COL4A6: variants seen among roughly 807,000 people sequenced by gnomAD.
COL4A6 encodes the protein collagen alpha-6(IV) chain.
A neutral mutation model predicts 126.7 loss-of-function variants in COL4A6; 59 were observed. That is an observed-to-expected ratio of 0.47 (90% CI 0.38 to 0.58). The LOEUF is 0.58. Ranked by LOEUF, COL4A6 falls within the 20% of genes least tolerant of loss-of-function variation. The pLI, the probability that COL4A6 is intolerant of heterozygous loss-of-function variation, is 0.00. For missense variants in COL4A6, 1,285 were observed against 1,337.3 expected, an observed-to-expected ratio of 0.96 and a Z score of 0.61; for synonymous variants, 547 against 496.6, an observed-to-expected ratio of 1.10 and a Z score of -1.35.
intron 2 of COL4A6, among the ~76,000 whole-genome samples, chrX:108,388,636 A>G (rs2040757759): frequency 9.0e-6 from 1 of 110,766 alleles, no homozygotes; most frequent in South Asian, 3.8e-4. Context: ...CTATCAGTCT[A>G]TTTATTTTGT....
chrX:108,184,891 A>G (rs187993889), intron 23 of COL4A6, among the ~76,000 whole-genome samples: 2 of 112,475 alleles, frequency 1.8e-5, no homozygotes, highest in Non-Finnish European at 3.7e-5. Context: ...TAATAGCCAG[A>G]AGACTTGGAA....
chrX:108,377,610 T>C (rs957984967), intron 2 of COL4A6, among the ~76,000 whole-genome samples: 1 of 105,620 alleles, frequency 9.5e-6, no homozygotes, highest in Non-Finnish European at 1.9e-5. Flanking sequence ...TTCTTAATAA[T>C]AGTTAAGGGG....
At chrX:108,376,943 C>T (rs1184482202) in intron 2 of COL4A6, among the ~76,000 whole-genome samples, 1 of 112,410 alleles carries the variant, frequency 8.9e-6, no homozygotes, top group Non-Finnish European at 1.9e-5. Context: ...AAGAAACAGA[C>T]ACAGAGAAAA....
chrX:108,236,705 T>C (rs2036437547), intron 3 of COL4A6, among the ~76,000 whole-genome samples: 1 of 111,937 alleles, frequency 8.9e-6, no homozygotes, highest in African/African-American at 3.2e-5. Context: ...CAACACTCAC[T>C]GCATCCATTT....
At chrX:108,362,463 CT>C (rs2040109545) in intron 2 of COL4A6, among the ~76,000 whole-genome samples, 1 of 111,820 alleles carries the variant, frequency 8.9e-6, no homozygotes, top group African/African-American at 3.3e-5. Flanking sequence ...TAGTCCACTT[CT>C]TTTCAAGTGA....
intron 3 of COL4A6, among the ~76,000 whole-genome samples, chrX:108,264,679 T>G (rs1299324457): frequency 8.9e-6 from 1 of 111,812 alleles, no homozygotes; most frequent in Non-Finnish European, 1.9e-5. Context: ...AGGGCTTCTT[T>G]CCCTGGGGCC....
chrX:108,229,657 T>C (rs2036258606), intron 3 of COL4A6, among the ~76,000 whole-genome samples: 1 of 112,808 alleles, frequency 8.9e-6, no homozygotes, highest in South Asian at 3.6e-4. Context: ...TTTGTTGTTA[T>C]TGATGTATTA....
At chrX:108,200,870 T>C (rs1309541088) in intron 13 of COL4A6, among the ~76,000 whole-genome samples, 2 of 112,107 alleles carry the variant, frequency 1.8e-5, no homozygotes, top group Non-Finnish European at 3.8e-5. Flanking sequence ...ATGTACCCTA[T>C]AAATATGTAG....
rs767614582 is a variant in COL4A6 at position 108,379,292 on chromosome X, C to T, written c.63+58650G>A. On this transcript the variant is annotated intron_variant, in intron 2 of 44. Transcript: ENST00000334504. Reference sequence around the variant, plus strand: ...TGAGACAGGACCTCGCTCTGTTGCCCACACTGGAGTGCAGTGGCGCAATCA... The same window carrying T: ...TGAGACAGGACCTCGCTCTGTTGCCTACACTGGAGTGCAGTGGCGCAATCA... 7.7e-4 allele frequency among the ~76,000 whole-genome samples: 85 copies of T among 110,239 alleles called. 1 individual carries two copies. Among genetic ancestry groups the T allele is most frequent in the Non-Finnish European group, 1.0e-3 (55 of 52,814 alleles).
chrX:108,176,110 T>C (rs1176708928), intron 28 of COL4A6, among the ~76,000 whole-genome samples: 1 of 110,005 alleles, frequency 9.1e-6, no homozygotes, highest in East Asian at 2.9e-4. Flanking sequence ...GGATCACCTG[T>C]GGTCAGGAGT....
chrX:108,386,632 T>C (rs772030452), intron 2 of COL4A6, among the ~76,000 whole-genome samples: 8 of 111,935 alleles, frequency 7.1e-5, no homozygotes, highest in Non-Finnish European at 1.5e-4. Context: ...GTCAGATGGA[T>C]AGATCACAAA....
chrX:108,224,056 T>A, intron 3 of COL4A6, among the ~76,000 whole-genome samples: 1 of 110,932 alleles, frequency 9.0e-6, no homozygotes, highest in East Asian at 2.9e-4. Flanking sequence ...GAGAGAAGAG[T>A]CCCAGCAGCA....
At chrX:108,381,314 T>G (rs1388378865) in intron 2 of COL4A6, among the ~76,000 whole-genome samples, 2 of 111,711 alleles carry the variant, frequency 1.8e-5, no homozygotes, top group Non-Finnish European at 3.8e-5. Flanking sequence ...GGGCAGCTCA[T>G]TAAGTCCAGC....
intron 3 of COL4A6, among the ~76,000 whole-genome samples, chrX:108,253,201 A>G (rs781019826): frequency 3.1e-4 from 35 of 111,978 alleles, no homozygotes; most frequent in Admixed American, 3.1e-3. Context: ...GAAAGGAGGA[A>G]GTCAAATTAT....
chrX:108,379,980 T>A (rs1454392043), intron 2 of COL4A6, among the ~76,000 whole-genome samples: 3 of 110,963 alleles, frequency 2.7e-5, no homozygotes, highest in African/African-American at 9.9e-5. Flanking sequence ...CCTACAAATC[T>A]CTCTGCCGCC....
intron 3 of COL4A6, among the ~76,000 whole-genome samples, chrX:108,273,268 A>C (rs2037503671): frequency 1.8e-5 from 2 of 110,585 alleles, no homozygotes; most frequent in Admixed American, 9.7e-5. Flanking sequence ...ATGCAAATCA[A>C]AACCACAATG....
chrX:108,315,123 G>A (rs1424545875), intron 2 of COL4A6, among the ~76,000 whole-genome samples: 1 of 112,062 alleles, frequency 8.9e-6, no homozygotes, highest in Non-Finnish European at 1.9e-5. Flanking sequence ...ACATTGAAAT[G>A]AATTTTTCAT....
intron 2 of COL4A6, among the ~76,000 whole-genome samples, chrX:108,322,215 A>T (rs929093191): frequency 3.6e-5 from 4 of 111,552 alleles, no homozygotes; most frequent in African/African-American, 1.3e-4. Context: ...ACACACATTC[A>T]AACACACATT....
At chrX:108,234,917 G>T (rs1159454942) in intron 3 of COL4A6, among the ~76,000 whole-genome samples, 1 of 111,650 alleles carries the variant, frequency 9.0e-6, no homozygotes, top group East Asian at 2.8e-4. Flanking sequence ...GGAGGTATTT[G>T]AGGTCGAGGA....
Sources: gnomAD v4.1 joint callset for allele counts (sites outside exome capture counted in the v4.1 genomes callset) on GRCh38, gnomAD v4.1.1 for gene constraint, MANE v1.5 for transcripts, NCBI Gene and HGNC (gene_info 2026-07-23, HGNC 2026-07-21) for gene names.